SERPINB6: variants seen among roughly 807,000 people sequenced by gnomAD.
The protein encoded by SERPINB6 is serpin B6.
SERPINB6 carries 16 observed loss-of-function variants against 26.1 expected under a neutral mutation model. That is an observed-to-expected ratio of 0.61 (90% CI 0.42 to 0.93). SERPINB6 has a LOEUF of 0.93. SERPINB6 is among the 40% of genes least tolerant of loss of function. The pLI is 0.00. For synonymous variants in SERPINB6, 174 were observed against 176.6 expected (o/e 0.99, Z 0.11); for missense variants, 420 against 478.0 (o/e 0.88, Z 1.13).
In SERPINB6 at chr6:2,961,791, A is replaced by G. The variant is rs539925817; in HGVS notation, c.-10-2449T>C. On this transcript the variant is annotated intron_variant, in intron 1 of 6. Coordinates refer to ENST00000380539, the MANE Select transcript of SERPINB6 (RefSeq NM_004568.6). ...AAAAAAAAGACAGAGGTTAAGTACC[A>G]TGTCAGCTGGCCAGGGGAAGGTCCC... 350 of 979,994 alleles carry G rather than the reference A, an allele frequency of 3.6e-4. 2 individuals carry two copies. The South Asian group carries it at 4.5e-3, about 13-fold the overall frequency. 60.7% of individuals were successfully genotyped at this position (979,994 alleles called of 1,614,324 possible).
In SERPINB6 at chr6:2,969,218, C is replaced by T. The variant is rs72842026; in HGVS notation, c.-11+2315G>A. On this transcript the variant is annotated intron_variant, in intron 1 of 6. Coordinates refer to ENST00000380539, the MANE Select transcript of SERPINB6 (RefSeq NM_004568.6). ...TTTCTATCGAGGGCTTTCTGTTATC[C>T]TTTCAGCAAACGTGTGAGTAACAAG... The T allele has an allele frequency of 0.018, 18,186 of 986,072 alleles. 172 individuals carry two copies. Among genetic ancestry groups the T allele is most frequent in the Non-Finnish European group, 0.02 (16,728 of 830,396 alleles). 61.1% of individuals were successfully genotyped at this position (986,072 alleles called of 1,614,324 possible).
At chr6:2,957,409 C>T (rs1039157649) in intron 2 of SERPINB6, 1 of 152,178 alleles carries the variant, frequency 6.6e-6, no homozygotes, top group Non-Finnish European at 1.5e-5. Flanking sequence ...TTTCTTCTTC[C>T]CAGCCTTTCC....
intron 5 of SERPINB6, 41 bp downstream of exon 5, chr6:2,953,003 T>C: frequency 6.2e-7 from 1 of 1,613,448 alleles, no homozygotes; most frequent in Non-Finnish European, 8.5e-7. Flanking sequence ...GAGACGCTCG[T>C]GTGAACACAG....
At chr6:2,969,632 G>A in intron 1 of SERPINB6, 2 of 984,188 alleles carry the variant, frequency 2.0e-6, no homozygotes, top group Non-Finnish European at 2.4e-6. Context: ...TTTTTTTTTA[G>A]GTGTCACTAT....
intron 5 of SERPINB6, among the ~76,000 whole-genome samples, chr6:2,952,061 G>A (rs1326633064): frequency 6.6e-6 from 1 of 152,214 alleles, no homozygotes; most frequent in Non-Finnish European, 1.5e-5. Context: ...TCCTAGCAGG[G>A]GAGATGAGCT....
rs200272095 is a variant in SERPINB6, at chr6:2,953,002, G to A, written c.573+42C>T. On this transcript the variant is annotated intron_variant, in intron 5 of 6. Transcript: ENST00000380539. Reference sequence around the variant, plus strand: ...GGGAGGCCCCGAGCCGGAGACGCTCGTGTGAACACAGGCGCTGCTCCTGTC... The same window carrying A: ...GGGAGGCCCCGAGCCGGAGACGCTCATGTGAACACAGGCGCTGCTCCTGTC... The A allele has an allele frequency of 4.6e-5, 74 of 1,613,288 alleles. No homozygotes were observed. The Middle Eastern group carries it at 8.3e-4, about 18-fold the overall frequency.
intron 1 of SERPINB6, chr6:2,970,071 AAAAAAAT>A (rs1771994516): frequency 9.1e-6 from 9 of 984,864 alleles, no homozygotes; most frequent in African/African-American, 5.2e-5. Context: ...AAAAAAAAAA[AAAAAAAT>A]TTTCTTTCTT....
chr6:2,955,498 A>T (rs778929494), intron 3 of SERPINB6, 26 bp downstream of exon 3: 10 of 1,613,922 alleles, frequency 6.2e-6, no homozygotes, highest in Non-Finnish European at 8.5e-6. Context: ...TTATTTCTTT[A>T]GTGAATAAGA....
chr6:2,955,660 A>C lies in SERPINB6; in HGVS notation c.176T>G (p.Phe59Cys), dbSNP rs767011498. 1.2e-6 allele frequency: 2 copies of C among 1,614,102 alleles called. No individual in the cohort carries two copies. Among genetic ancestry groups the C allele is most frequent in the African/African-American group, 2.7e-5 (2 of 74,940 alleles). The change falls in exon 3 of 7, where the codon TTC becomes TGC. Residue 59 changes from phenylalanine (F) to cysteine (C), a missense_variant. Phe to Cys is a radical substitution (Grantham distance 205). Transcript: ENST00000380539. ...GTCTCCACCACCGCCACTTTTATTG[A>C]AAGAAAGTATCTGAAATCAAAAACA... ...TAAQMAQILS[F>C]NKSGGGGDIH...
chr6:2,963,898 C>T (rs571994866), intron 1 of SERPINB6: 1 of 152,374 alleles, frequency 6.6e-6, no homozygotes, highest in Non-Finnish European at 1.5e-5. Flanking sequence ...TCTGTGCTAA[C>T]ATGATGTTCC....
chr6:2,951,966 G>T (rs1325255941), intron 5 of SERPINB6, among the ~76,000 whole-genome samples: 1 of 152,226 alleles, frequency 6.6e-6, no homozygotes, highest in Non-Finnish European at 1.5e-5. Context: ...GAGGAAGAAG[G>T]CGACGTGCTG....
rs73347852 is a variant in SERPINB6 at position 2,965,126 on chromosome 6, T to C, written c.-10-5784A>G. Among the ~76,000 whole-genome samples, 1,367 of 152,370 alleles carry C rather than the reference T, an allele frequency of 9.0e-3. 22 individuals carry two copies. Among genetic ancestry groups the C allele is most frequent in the African/African-American group, 0.031 (1,295 of 41,590 alleles). ...GGGATGGGAACCCATTTCCTTTTTATGTAATGCTGATTTGCCTTATATTAA... is the reference window on the plus strand; with the variant it reads ...GGGATGGGAACCCATTTCCTTTTTACGTAATGCTGATTTGCCTTATATTAA... On this transcript the variant is annotated intron_variant, in intron 1 of 6. Coordinates refer to ENST00000380539, the MANE Select transcript of SERPINB6 (RefSeq NM_004568.6).
chr6:2,955,309 G>A, intron 3 of SERPINB6: 1 of 597,482 alleles, frequency 1.7e-6, no homozygotes, highest in South Asian at 2.0e-5. Flanking sequence ...TCAAGGAGCT[G>A]CCTGACAAGA....
At chr6:2,953,443 G>A (rs1055951604) in intron 4 of SERPINB6, among the ~76,000 whole-genome samples, 5 of 152,224 alleles carry the variant, frequency 3.3e-5, no homozygotes, top group Admixed American at 6.5e-5. Flanking sequence ...TAACACATGA[G>A]ATAAGAAGCA....
At position 2,970,935 on chromosome 6, in the gene SERPINB6, G is replaced by A. The variant is rs112313919; in HGVS notation, c.-11+598C>T. 141 of 1,228,382 alleles carry A rather than the reference G, an allele frequency of 1.1e-4. No homozygotes were observed. The African/African-American group carries it at 1.9e-3, about 17-fold the overall frequency. The allele number at this position is 1,228,382 out of a possible 1,614,324, so 76.1% of individuals were successfully genotyped here. On this transcript the variant is annotated intron_variant, in intron 1 of 6. Transcript: ENST00000380539. ...AAGTGCTGCGGATTGGCCAAGCCCA[G>A]CACGGCCAGTCCAGTGAACACACGC...
At chr6:2,970,572 C>A in intron 1 of SERPINB6, 1 of 1,209,688 alleles carries the variant, frequency 8.3e-7, no homozygotes, top group Non-Finnish European at 1.0e-6. Context: ...CAGGCAGCTG[C>A]AGGGCTGTCA....
chr6:2,961,110 CAT>C (rs1380796351), intron 1 of SERPINB6: 3 of 152,222 alleles, frequency 2.0e-5, no homozygotes, highest in Non-Finnish European at 4.4e-5. Flanking sequence ...AGAAAATAAA[CAT>C]GTGCAGTTTA....
Position 2,948,163 on chromosome 6 carries a change from T to C in SERPINB6, c.*135A>G. The C allele has an allele frequency of 1.1e-6, 1 of 948,204 alleles. No homozygotes were observed. The highest frequency in any genetic ancestry group is 1.7e-6 in the Non-Finnish European group (1 of 590,462). The allele number at this position is 948,204 out of a possible 1,614,324, so 58.7% of individuals were successfully genotyped here. A position where few individuals can be genotyped will look rare whatever the true frequency, so the allele number is the denominator to read the frequency against. ...CAGACACACAAACACACGGAGTGAA[T>C]GCGGCATCCCACAAATGGGCCCTTT... On this transcript the variant is annotated 3_prime_UTR_variant, in exon 7 of 7. Coordinates refer to ENST00000380539, the MANE Select transcript of SERPINB6 (RefSeq NM_004568.6). This position sits in a 1 kb window ranked among gnomAD's most constrained non-coding sequence, Gnocchi z 5.0.
intron 1 of SERPINB6, chr6:2,970,939 G>A (rs1407895288): frequency 7.3e-6 from 9 of 1,228,664 alleles, no homozygotes; most frequent in African/African-American, 3.1e-5. Flanking sequence ...AGCCCAGCAC[G>A]GCCAGTCCAG....
Sources: allele counts gnomAD v4.1 joint callset (sites outside exome capture counted in the v4.1 genomes callset), GRCh38; gene constraint gnomAD v4.1.1; non-coding constraint Gnocchi (gnomAD v3.1); transcripts MANE v1.5; gene names NCBI Gene and HGNC (gene_info 2026-07-23, HGNC 2026-07-21).